The following BEND4 variants were observed in gnomAD, a reference collection of about 807,000 sequenced individuals.
BEND4 encodes BEN domain-containing protein 4.
A neutral mutation model predicts 54.7 loss-of-function variants in BEND4; 27 were observed. The ratio of observed to expected loss-of-function variants is 0.49; its 90% CI spans 0.36 to 0.68. BEND4 has a LOEUF of 0.68. Among genes scored for constraint, BEND4 ranks in the 30% least tolerant of loss-of-function variants. The pLI is 0.00. For synonymous variants in BEND4, 327 were observed against 299.5 expected (o/e 1.09, Z -0.95); for missense variants, 702 against 697.2 (o/e 1.01, Z -0.08).
chr4:42,137,974 A>C (rs1350223114), intron 3 of BEND4, among the ~76,000 whole-genome samples: 1 of 152,194 alleles, frequency 6.6e-6, no homozygotes, highest in Non-Finnish European at 1.5e-5. Context: ...GGAAAAAGGA[A>C]ACCCTTGTAC....
chr4:42,138,523 C>A (rs557671428), intron 3 of BEND4, among the ~76,000 whole-genome samples: 4 of 152,188 alleles, frequency 2.6e-5, no homozygotes, highest in South Asian at 2.1e-4. Context: ...GAGGAATACA[C>A]GTGACAAATT....
intron 3 of BEND4, among the ~76,000 whole-genome samples, chr4:42,142,626 G>T (rs1720928558): frequency 7.9e-6 from 1 of 127,052 alleles, no homozygotes; most frequent in Non-Finnish European, 1.6e-5. Context: ...GAGTGAGAGA[G>T]ACTCCGTCTC....
Position 42,152,062 on chromosome 4 carries a change from T to C in BEND4, c.82A>G (p.Lys28Glu), listed in dbSNP as rs755523914. 1 of 1,252,454 alleles carries C rather than the reference T, an allele frequency of 8.0e-7. No individual in the cohort carries two copies. The highest frequency in any genetic ancestry group is 1.6e-5 in the African/African-American group (1 of 64,392). 77.6% of individuals were successfully genotyped at this position (1,252,454 alleles called of 1,614,324 possible). The change falls in exon 2 of 6, where the codon AAG becomes GAG. Residue 28 changes from lysine to glutamate, a missense_variant. Transcript: ENST00000502486. ...YKQRSPYSVL[K>E]TFPSKRPALA... ...GCCGGTCTCTTGCTGGGGAACGTCT[T>C]GAGGACGCTGTAGGGGCTGCGCTGC...
chr4:42,118,463 G>A (rs996918346), intron 5 of BEND4, among the ~76,000 whole-genome samples: 1 of 152,178 alleles, frequency 6.6e-6, no homozygotes, highest in Non-Finnish European at 1.5e-5. Flanking sequence ...GGAGGTCCAC[G>A]CATTGTGGCC....
intron 4 of BEND4, among the ~76,000 whole-genome samples, 192 bp downstream of exon 4, chr4:42,125,391 T>C (rs932173502): frequency 1.4e-4 from 21 of 152,236 alleles, no homozygotes; most frequent in Admixed American, 3.3e-4. Context: ...ACTTAGTACA[T>C]GCAGCTGAAT....
intron 2 of BEND4, 180 bp from the exon 3 acceptor site, chr4:42,144,174 C>A: frequency 3.1e-6 from 2 of 637,760 alleles, no homozygotes; most frequent in South Asian, 1.8e-5. Flanking sequence ...TGTTGTTCTG[C>A]GACTGCGGGA....
Position 42,117,693 on chromosome 4 carries a change from A to G in BEND4, c.1430T>C (p.Met477Thr). 1 of 1,609,730 alleles carries G rather than the reference A, an allele frequency of 6.2e-7. No individual in the cohort carries two copies. The highest frequency in any genetic ancestry group is 8.5e-7 in the Non-Finnish European group (1 of 1,177,964). ...TTTGTTTATCTGCTCTTCCGAGGGC[A>G]TCCACCAATCGGGGTTGGAGGTACA... is the stretch of plus-strand genomic sequence containing the variant. ...MHCTSNPDWW[M>T]PSEEQINKVF... Residue 477 changes from methionine to threonine, a missense_variant, in exon 6 of 6, where the codon ATG becomes ACG. Coordinates refer to ENST00000502486, the MANE Select transcript of BEND4 (RefSeq NM_207406.4).
intron 3 of BEND4, among the ~76,000 whole-genome samples, chr4:42,131,064 T>A (rs115554109): frequency 6.6e-6 from 1 of 151,692 alleles, no homozygotes; most frequent in African/African-American, 2.4e-5. Context: ...TGGGGCCTAT[T>A]GGGGAGGGGG....
chr4:42,143,320 C>T (rs1720954156), intron 3 of BEND4, 108 bp downstream of exon 3: 3 of 1,015,604 alleles, frequency 3.0e-6, no homozygotes, highest in Admixed American at 5.2e-5. Context: ...AAAAAGCCCA[C>T]ACATACATAT....
chr4:42,133,687 C>G (rs1720588375), intron 3 of BEND4, among the ~76,000 whole-genome samples: 1 of 152,106 alleles, frequency 6.6e-6, no homozygotes, highest in Non-Finnish European at 1.5e-5. Flanking sequence ...AACCCCGTCT[C>G]TACTAAAAAT....
At chr4:42,118,698 TA>T (rs1719940880) in intron 5 of BEND4, among the ~76,000 whole-genome samples, 1 of 152,232 alleles carries the variant, frequency 6.6e-6, no homozygotes, top group African/African-American at 2.4e-5. Context: ...TTGGCTCCTT[TA>T]TAAGCCCAAA....
Position 42,113,532 on chromosome 4 carries a change from G to A in BEND4, c.*3986C>T, listed in dbSNP as rs1202256694. ...CCATTGAGAGCGGCAGGGGAATGTA[G>A]GAATCATAAACCTACAGATTCGAAG... On this transcript the variant is annotated 3_prime_UTR_variant, in exon 6 of 6. Transcript: ENST00000502486. The A allele has an allele frequency of 1.3e-5, 2 of 152,126 alleles. No individual in the cohort carries two copies. The highest frequency in any genetic ancestry group is 3.8e-4 in the East Asian group (2 of 5,196). The allele number at this position is 152,126 out of a possible 1,614,324, so 9.4% of individuals were successfully genotyped here.
intron 2 of BEND4, among the ~76,000 whole-genome samples, chr4:42,149,135 C>T (rs1321189440): frequency 6.6e-6 from 1 of 152,178 alleles, no homozygotes; most frequent in African/African-American, 2.4e-5. Flanking sequence ...TACTAGGTAG[C>T]CTGAAACACA....
chr4:42,117,909 C>T (rs114962384), intron 5 of BEND4, among the ~76,000 whole-genome samples, 174 bp from the exon 6 acceptor site: 1 of 146,534 alleles, frequency 6.8e-6, no homozygotes. Flanking sequence ...TTATTCCATA[C>T]AAATTTTCTT....
intron 3 of BEND4, among the ~76,000 whole-genome samples, chr4:42,128,287 G>T (rs572412772): frequency 1.3e-5 from 2 of 152,168 alleles, no homozygotes; most frequent in Admixed American, 1.3e-4. Flanking sequence ...AAACTGGCAC[G>T]AAACAAGGAT....
In BEND4 at chr4:42,113,494, G is replaced by A. The variant is rs1448477772; in HGVS notation, c.*4024C>T. 1 of 152,170 alleles carries A rather than the reference G, an allele frequency of 6.6e-6. No individual in the cohort carries two copies. Among genetic ancestry groups the A allele is most frequent in the South Asian group, 2.1e-4 (1 of 4,822 alleles). The allele number at this position is 152,170 out of a possible 1,614,324, so 9.4% of individuals were successfully genotyped here. A position where few individuals can be genotyped will look rare whatever the true frequency, so the allele number is the denominator to read the frequency against. ...CATCTGTTTTCTGAGAGCAACAGAA[G>A]GGAGGCAACAAGCCATTGAGAGCGG... is the stretch of plus-strand genomic sequence containing the variant. On this transcript the variant is annotated 3_prime_UTR_variant, in exon 6 of 6. Transcript: ENST00000502486.
intron 3 of BEND4, among the ~76,000 whole-genome samples, chr4:42,126,627 C>T (rs760738756): frequency 4.6e-5 from 7 of 152,200 alleles, no homozygotes; most frequent in Non-Finnish European, 7.3e-5. Flanking sequence ...TAGAGCATGA[C>T]ATTTTTTTGT....
chr4:42,131,535 C>G (rs1166011256), intron 3 of BEND4, among the ~76,000 whole-genome samples: 3 of 152,160 alleles, frequency 2.0e-5, no homozygotes, highest in Non-Finnish European at 4.4e-5. Flanking sequence ...CTTGCTATTA[C>G]TTCAGTGTGG....
chr4:42,143,494 C>G lies in BEND4; in HGVS notation c.988G>C (p.Glu330Gln). The stretch of plus-strand genomic sequence containing the variant: ...TGTTGCAGTGAAATAACCTCCTGCT[C>G]CAGCTCTTGGCATCGAGGACAATAG... ...EGYCPRCQEL[E>Q]QEVISLQQEN... The change falls in exon 3 of 6, where the codon GAG becomes CAG. Residue 330 changes from glutamate to glutamine, a missense_variant. By Grantham distance (29) the Glu-to-Gln change is conservative. Coordinates refer to ENST00000502486, the MANE Select transcript of BEND4 (RefSeq NM_207406.4). 6.4e-7 allele frequency: 1 copy of G among 1,552,390 alleles called. No individual in the cohort carries two copies. Among genetic ancestry groups the G allele is most frequent in the Non-Finnish European group, 8.7e-7 (1 of 1,147,214 alleles).
Sources: allele counts gnomAD v4.1 joint callset (sites outside exome capture counted in the v4.1 genomes callset), GRCh38; gene constraint gnomAD v4.1.1; transcripts MANE v1.5; gene names NCBI Gene and HGNC (gene_info 2026-07-23, HGNC 2026-07-21).